The following APOL3 variants were observed in gnomAD, a reference collection of about 807,000 sequenced individuals.
APOL3 encodes the protein TNF-inducible protein CG12-1.
In APOL3, 14 loss-of-function variants were observed where a neutral mutation model predicts 11.6. That is an observed-to-expected ratio of 1.21 (90% CI 0.80 to 1.89). APOL3 has a LOEUF of 1.89. Ranked by LOEUF, APOL3 falls within the 40% of genes most tolerant of loss-of-function variation. APOL3 has a pLI of 0.00. For missense variants in APOL3, 483 were observed against 492.1 expected (o/e 0.98, Z 0.17); for synonymous variants, 192 against 190.6 (o/e 1.01, Z -0.06).
At chr22:36,156,864 G>A (rs574169105) in intron 1 of APOL3, 5 of 445,278 alleles carry the variant, frequency 1.1e-5, no homozygotes, top group Admixed American at 4.8e-5. Context: ...TCTGCCCTCC[G>A]TGGCACAGCC....
rs1484783455 is a variant in APOL3 at position 36,148,237 on chromosome 22, G to T, written c.224-2638C>A. 2.0e-5 allele frequency among the ~76,000 whole-genome samples: 3 copies of T among 152,350 alleles called. No homozygotes were observed. In the East Asian group the frequency reaches 5.8e-4, roughly 29 times the overall value. On this transcript the variant is annotated intron_variant, in intron 1 of 2. Transcript: ENST00000349314. ...GGGTATTTGAGATCATGGGAATGAG[G>T]CCCTGCCTGAGGCAGTCATCCCTGG...
At chr22:36,150,771 G>A (rs994520558) in intron 1 of APOL3, among the ~76,000 whole-genome samples, 2 of 152,202 alleles carry the variant, frequency 1.3e-5, no homozygotes, top group African/African-American at 4.8e-5. Flanking sequence ...TGTAATCCCA[G>A]TTACCCGGGA....
At chr22:36,147,595 G>A (rs1305758148) in intron 1 of APOL3, among the ~76,000 whole-genome samples, 1 of 152,252 alleles carries the variant, frequency 6.6e-6, no homozygotes, top group East Asian at 1.9e-4. Context: ...CTGAGCAGAT[G>A]TGACTTGGTT....
upstream of APOL3, among the ~76,000 whole-genome samples, chr22:36,163,268 C>G (rs2013777418): frequency 6.6e-6 from 1 of 152,132 alleles, no homozygotes; most frequent in Admixed American, 6.5e-5. Flanking sequence ...ATTAAGAGAG[C>G]CGATTGGGAT....
At chr22:36,164,818 AC>A (rs1926727245), upstream of APOL3, 1 of 151,700 alleles carries the variant, frequency 6.6e-6, no homozygotes, top group Admixed American at 6.6e-5. Flanking sequence ...GGATCCCATC[AC>A]TCCTTCCTCT....
intron 1 of APOL3, among the ~76,000 whole-genome samples, chr22:36,149,522 T>C (rs132643): frequency 0.63 from 95,501 of 152,050 alleles, 31,464 homozygotes; most frequent in East Asian, 0.97. Context: ...TAATTGATAA[T>C]AGCCAGTGTG....
intron 1 of APOL3, 124 bp downstream of exon 2, chr22:36,148,922 G>A (rs2060321423): frequency 1.0e-6 from 1 of 963,014 alleles, no homozygotes; most frequent in Admixed American, 1.9e-5. Context: ...TTGGGGCTCA[G>A]GGAAGACTCA....
chr22:36,141,976 C>A, exon 3 of APOL3: 1 of 1,614,222 alleles, frequency 6.2e-7, no homozygotes. Context: ...AACTGCTCAT[C>A]TTTCTGCTGC....
At chr22:36,145,338 C>T (rs969224695) in intron 2 of APOL3, 135 bp downstream of exon 3, 1 of 1,154,884 alleles carries the variant, frequency 8.7e-7, no homozygotes, top group Non-Finnish European at 1.2e-6. Flanking sequence ...TCCTCCTGGA[C>T]TGCTGAGAGG....
chr22:36,154,339 G>A (rs1440800818), intron 1 of APOL3: 4 of 246,570 alleles, frequency 1.6e-5, no homozygotes, highest in Non-Finnish European at 3.2e-5. Context: ...ATGTTTACTT[G>A]GTCCAAGATG....
At chr22:36,153,537 T>G (rs775651534) in intron 1 of APOL3, 8 of 395,754 alleles carry the variant, frequency 2.0e-5, no homozygotes, top group Non-Finnish European at 3.6e-5. Flanking sequence ...ACCTTGCCAC[T>G]CAACATACGG....
intron 1 of APOL3, among the ~76,000 whole-genome samples, chr22:36,145,980 TTCTCTC>T (rs71193207): frequency 2.8e-4 from 33 of 118,758 alleles, no homozygotes; most frequent in Admixed American, 5.9e-4. Context: ...CTGTCTCTCT[TTCTCTC>T]TCTCTCTCTC....
intron 1 of APOL3, among the ~76,000 whole-genome samples, chr22:36,160,324 C>G (rs1346121639): frequency 6.6e-6 from 1 of 152,196 alleles, no homozygotes; most frequent in Non-Finnish European, 1.5e-5. Flanking sequence ...TTCTCTGGTT[C>G]CTCCAAATAT....
intron 1 of APOL3, among the ~76,000 whole-genome samples, chr22:36,157,573 A>G (rs1412691020): frequency 2.6e-5 from 4 of 152,244 alleles, no homozygotes; most frequent in African/African-American, 9.6e-5. Context: ...AATTCCCAGA[A>G]GACTTAAAGG....
chr22:36,161,864 G>T (rs2013717519), upstream of APOL3, among the ~76,000 whole-genome samples: 1 of 152,106 alleles, frequency 6.6e-6, no homozygotes, highest in South Asian at 2.1e-4. Context: ...AAGGTGGGGG[G>T]GTGATTGTCA....
At chr22:36,152,727 C>G (rs1401910790) in intron 1 of APOL3, among the ~76,000 whole-genome samples, 1 of 152,168 alleles carries the variant, frequency 6.6e-6, no homozygotes, top group African/African-American at 2.4e-5. Flanking sequence ...AGAAGCCAAA[C>G]TCAAGTGCCC....
upstream of APOL3, among the ~76,000 whole-genome samples, chr22:36,163,809 C>T (rs1480021709): frequency 6.6e-6 from 1 of 152,256 alleles, no homozygotes; most frequent in Non-Finnish European, 1.5e-5. Context: ...TGTAAAACCA[C>T]AGAGGGCTGC....
chr22:36,141,057 T>C (rs1243388913), exon 3 of APOL3: 2 of 1,259,142 alleles, frequency 1.6e-6, no homozygotes. Flanking sequence ...TCCCCTGCTG[T>C]GCTCAGCTAC....
At chr22:36,153,072 T>C (rs967096824) in intron 1 of APOL3, among the ~76,000 whole-genome samples, 4 of 151,770 alleles carry the variant, frequency 2.6e-5, no homozygotes, top group Admixed American at 1.3e-4. Flanking sequence ...GATAGCTACA[T>C]TGCACTCCAG....
Sources: allele counts gnomAD v4.1 joint callset (sites outside exome capture counted in the v4.1 genomes callset), GRCh38; gene constraint gnomAD v4.1.1; transcripts MANE v1.5; gene names NCBI Gene and HGNC (gene_info 2026-07-23, HGNC 2026-07-21).